ZNF560: variants seen among roughly 807,000 people sequenced by gnomAD.
The protein encoded by ZNF560 is zinc finger protein 560.
Under a neutral mutation model 81.8 loss-of-function variants are expected in ZNF560, and 54 were observed. The observed-to-expected ratio is 0.66, with a 90% CI of 0.53 to 0.83. The LOEUF (loss-of-function observed/expected upper bound fraction) is 0.83. Ranked by LOEUF, ZNF560 falls within the 40% of genes least tolerant of loss-of-function variation. The probability of loss-of-function intolerance (pLI) is 0.00; values close to 1 mark genes in which losing one functional copy is unlikely to be tolerated. For synonymous variants in ZNF560, 321 were observed against 317.9 expected, an observed-to-expected ratio of 1.01 and a Z score of -0.10; for missense variants, 940 against 932.4, an observed-to-expected ratio of 1.01 and a Z score of -0.11.
intron 4 of ZNF560, 152 bp from the exon 5 acceptor site, chr19:9,473,411 C>T (rs867599473): frequency 1.8e-6 from 1 of 558,652 alleles, no homozygotes; most frequent in East Asian, 3.3e-5. Flanking sequence ...ACCCCCGTCT[C>T]TACTAAAAAT....
Position 9,467,578 on chromosome 19 carries a change from CT to C in ZNF560, c.1368del (p.Glu457ArgfsTer51). 1 of 1,614,142 alleles carries C rather than the reference CT, an allele frequency of 6.2e-7. No homozygotes were observed. Among genetic ancestry groups the C allele is most frequent in the Non-Finnish European group, 8.5e-7 (1 of 1,180,016 alleles). The stretch of plus-strand genomic sequence containing the variant: ...TATTCCTTATGCTCATATGGCTTCT[CT>C]CCATTATGAACTCTCAAATGTCCAA... ...SLFGHLRVHN[G>X]EKPYEHKEYG... is the part of the protein sequence containing the mutation. On this transcript the variant is annotated frameshift_variant, in exon 10 of 10. Transcript: ENST00000301480. LOFTEE classifies it high-confidence loss of function.
chr19:9,472,462 T>C (rs2073137674), intron 5 of ZNF560, among the ~76,000 whole-genome samples: 1 of 152,212 alleles, frequency 6.6e-6, no homozygotes, highest in African/African-American at 2.4e-5. Context: ...CTCCGCCTCT[T>C]GTCAGATCAG....
the ZNF560 span, among the ~76,000 whole-genome samples, chr19:9,454,739 G>A: frequency 0.53 from 80,027 of 151,926 alleles, 21,399 homozygotes; most frequent in Non-Finnish European, 0.55. Flanking sequence ...TGAAAAAGGC[G>A]TATAAGGATG....
At position 9,474,230 on chromosome 19, in the gene ZNF560, C is replaced by T; in HGVS notation, c.126G>A (p.Met42Ile). 6.2e-7 allele frequency: 1 copy of T among 1,614,184 alleles called. No homozygotes were observed. The highest frequency in any genetic ancestry group is 8.5e-7 in the Non-Finnish European group (1 of 1,180,030). ...TGGCCACGTTCTCATAATTCTCCAG[C>T]ATCACATCTCTGTATAAGTTTCTCT... The part of the protein sequence containing the change: ...PVQRNLYRDV[M>I]LENYENVAKV... Residue 42 changes from methionine (M) to isoleucine (I), a missense_variant, in exon 4 of 10, where the codon ATG (methionine) becomes ATA (isoleucine). Transcript: ENST00000301480.
In ZNF560 at chr19:9,467,350, TA is replaced by T; in HGVS notation, c.1596del (p.Ile533PhefsTer43). ...GKPFTSSACL[R>X]IHMRTHTEER... ...TCTTCTGTGTGAGTTCGCATGTGAATACGAAGACAGGCAGAAGAGGTAAATG... is the reference window on the plus strand; with the variant it reads ...TCTTCTGTGTGAGTTCGCATGTGAATCGAAGACAGGCAGAAGAGGTAAATG... On this transcript the variant is annotated frameshift_variant, in exon 10 of 10. Coordinates refer to ENST00000301480, the MANE Select transcript of ZNF560 (RefSeq NM_152476.3). LOFTEE classifies it high-confidence loss of function. 1 of 1,614,136 alleles carries T rather than the reference TA, an allele frequency of 6.2e-7. No individual in the cohort carries two copies. The highest frequency in any genetic ancestry group is 2.2e-5 in the East Asian group (1 of 44,856).
intron 4 of ZNF560, among the ~76,000 whole-genome samples, chr19:9,473,704 T>G (rs186874966): frequency 3.6e-4 from 54 of 149,388 alleles, no homozygotes; most frequent in African/African-American, 1.3e-3. Flanking sequence ...ATCTCTTATT[T>G]CTGTGCACCC....
rs2073102689 is a variant in ZNF560 at position 9,470,417 on chromosome 19, C to G, written c.423G>C (p.Glu141Asp). Residue 141 changes from glutamate (E) to aspartate (D), a missense_variant, in exon 7 of 10, where the codon GAG (glutamate) becomes GAC (aspartate). Physicochemically the swap from Glu to Asp is conservative, Grantham distance 45. Transcript: ENST00000301480. ...QRNLYSDVML[E>D]NYKNLSSVGY... ...CTACTGAGGACAGGTTCTTGTAGTT[C>G]TCCAGCATCACATCACTGTACAGGT... The G allele has an allele frequency of 1.2e-6, 2 of 1,613,140 alleles. No individual in the cohort carries two copies. Among genetic ancestry groups the G allele is most frequent in the African/African-American group, 1.3e-5 (1 of 74,916 alleles).
the ZNF560 span, among the ~76,000 whole-genome samples, chr19:9,449,996 A>AAAAAAAAAAAC: frequency 6.0e-5 from 7 of 115,872 alleles, no homozygotes; most frequent in Non-Finnish European, 8.6e-5. Flanking sequence ...AAAAAAAAAA[A>AAAAAAAAAAAC]AACAACTGAA....
chr19:9,503,764 G>A, the ZNF560 span, among the ~76,000 whole-genome samples: 925 of 152,144 alleles, frequency 6.1e-3, 8 homozygotes, highest in African/African-American at 0.021. Flanking sequence ...TCATGAACTC[G>A]CAGCCTCAAG....
chr19:9,474,173 G>A, intron 4 of ZNF560, 26 bp downstream of exon 4: 1 of 1,613,490 alleles, frequency 6.2e-7, no homozygotes, highest in Non-Finnish European at 8.5e-7. Context: ...TCCCTAAGAG[G>A]CTGCATAAAA....
chr19:9,485,485 C>T (rs368745020), intron 2 of ZNF560, among the ~76,000 whole-genome samples: 33 of 143,216 alleles, frequency 2.3e-4, no homozygotes, highest in South Asian at 1.6e-3. Context: ...CCAGCCTGGA[C>T]GACAGAGCAA....
the ZNF560 span, among the ~76,000 whole-genome samples, chr19:9,455,058 C>T: frequency 3.7e-4 from 57 of 152,184 alleles, no homozygotes; most frequent in African/African-American, 1.2e-3. Flanking sequence ...AGCAGAGCCC[C>T]GAGTGACCGC....
At chr19:9,471,774 G>A (rs1050433909) in intron 5 of ZNF560, among the ~76,000 whole-genome samples, 1 of 152,210 alleles carries the variant, frequency 6.6e-6, no homozygotes, top group Non-Finnish European at 1.5e-5. Flanking sequence ...TAACTTCTGA[G>A]ATAAATGGCC....
chr19:9,495,719 G>T (rs1057173408), intron 2 of ZNF560, among the ~76,000 whole-genome samples: 1 of 151,976 alleles, frequency 6.6e-6, no homozygotes, highest in African/African-American at 2.4e-5. Context: ...AAAGTCGGGG[G>T]CGGGGAAAGA....
chr19:9,476,967 G>A (rs2073212437), intron 2 of ZNF560, among the ~76,000 whole-genome samples: 1 of 152,060 alleles, frequency 6.6e-6, no homozygotes, highest in African/African-American at 2.4e-5. Context: ...GTGGATAACT[G>A]GCAATCTATT....
At chr19:9,485,633 C>T (rs1002685266) in intron 2 of ZNF560, among the ~76,000 whole-genome samples, 3 of 151,578 alleles carry the variant, frequency 2.0e-5, no homozygotes, top group Admixed American at 1.3e-4. Context: ...GCAACCTCCA[C>T]CTCCTGGGTT....
chr19:9,452,216 A>T, the ZNF560 span, among the ~76,000 whole-genome samples: 2 of 152,216 alleles, frequency 1.3e-5, no homozygotes, highest in Non-Finnish European at 2.9e-5. Context: ...CCACAATGAG[A>T]TACCATCTCA....
intron 2 of ZNF560, among the ~76,000 whole-genome samples, chr19:9,479,090 G>A (rs1046967082): frequency 2.0e-5 from 3 of 151,854 alleles, no homozygotes; most frequent in Non-Finnish European, 2.9e-5. Context: ...CACTTGAATG[G>A]GCAGGAGAAT....
chr19:9,459,516 A>T, the ZNF560 span, among the ~76,000 whole-genome samples: 1 of 152,160 alleles, frequency 6.6e-6, no homozygotes, highest in Non-Finnish European at 1.5e-5. Context: ...ACACTAGGCC[A>T]TGGGGGCTAC....
Sources: allele counts gnomAD v4.1 joint callset (sites outside exome capture counted in the v4.1 genomes callset), GRCh38; gene constraint gnomAD v4.1.1; transcripts MANE v1.5; gene names NCBI Gene and HGNC (gene_info 2026-07-23, HGNC 2026-07-21).